Variants in NIPSNAP3B observed in about 807,000 individuals in gnomAD.
The protein encoded by NIPSNAP3B is protein NipSnap homolog 3B.
Under a neutral mutation model 31.5 loss-of-function variants are expected in NIPSNAP3B, and 30 were observed. The ratio of observed to expected loss-of-function variants is 0.95; its 90% CI spans 0.71 to 1.29. The LOEUF is 1.29. Among genes scored for constraint, NIPSNAP3B ranks in the 50% most tolerant of loss-of-function variants. The pLI, the probability that NIPSNAP3B is intolerant of heterozygous loss-of-function variation, is 0.00. For synonymous variants in NIPSNAP3B, 106 were observed against 107.9 expected (o/e 0.98, Z 0.11); for missense variants, 269 against 300.7 (o/e 0.89, Z 0.78).
In NIPSNAP3B at chr9:104,776,815, A is replaced by T. The variant is rs949042041; in HGVS notation, c.*3742A>T. Among the ~76,000 whole-genome samples, 1 of 152,184 alleles carries T rather than the reference A, an allele frequency of 6.6e-6. No individual in the cohort carries two copies. Among genetic ancestry groups the T allele is most frequent in the African/African-American group, 2.4e-5 (1 of 41,442 alleles). On this transcript the variant is annotated 3_prime_UTR_variant, in exon 6 of 6. Transcript: ENST00000374762. The stretch of plus-strand genomic sequence containing the variant: ...AAGGGTTTTTGTTTTCATTATTGTC[A>T]TATTACCTGTGCCTGGCATGTGATA...
In NIPSNAP3B at chr9:104,773,137, A is replaced by C. The variant is rs1828262289; in HGVS notation, c.*64A>C. 5 of 1,500,908 alleles carry C rather than the reference A, an allele frequency of 3.3e-6. No individual in the cohort carries two copies. The highest frequency in any genetic ancestry group is 3.7e-6 in the Non-Finnish European group (4 of 1,083,292). 93.0% of individuals were successfully genotyped at this position (1,500,908 alleles called of 1,614,324 possible). On this transcript the variant is annotated 3_prime_UTR_variant, in exon 6 of 6. Transcript: ENST00000374762. Reference sequence around the variant, plus strand: ...AAGATGTGTCTGCTAATGGTGCTTAAATTCTCCCAAGAGGTTCTCGCTTTT... The same window carrying C: ...AAGATGTGTCTGCTAATGGTGCTTACATTCTCCCAAGAGGTTCTCGCTTTT...
At chr9:104,779,648 A>G (rs564392109), downstream of NIPSNAP3B, among the ~76,000 whole-genome samples, 26 of 150,842 alleles carry the variant, frequency 1.7e-4, 1 homozygote, top group South Asian at 1.7e-3. Context: ...ACTTAATGTA[A>G]ACATTACCAT....
chr9:104,764,453 CGCGCAAGG>C (rs1828048314), intron 1 of NIPSNAP3B, among the ~76,000 whole-genome samples, 153 bp downstream of exon 1: 1 of 152,222 alleles, frequency 6.6e-6, no homozygotes, highest in Non-Finnish European at 1.5e-5. Flanking sequence ...AGCCGTCTGG[CGCGCAAGG>C]AGGAGGCTAC....
At chr9:104,784,572 A>G in the NIPSNAP3B span, 1 of 1,214,854 alleles carries the variant, frequency 8.2e-7, no homozygotes, top group South Asian at 1.3e-5. Flanking sequence ...AGAATTACAT[A>G]AATGGATTAA....
intron 4 of NIPSNAP3B, among the ~76,000 whole-genome samples, chr9:104,771,808 C>T (rs1488031033): frequency 1.3e-5 from 2 of 152,162 alleles, no homozygotes; most frequent in African/African-American, 2.4e-5. Context: ...CACCATACTG[C>T]TTTCCATAAT....
In NIPSNAP3B at chr9:104,772,638, C is replaced by T. The variant is rs538180474; in HGVS notation, c.581-184C>T. Among the ~76,000 whole-genome samples, 7 of 152,188 alleles carry T rather than the reference C, an allele frequency of 4.6e-5. No homozygotes were observed. The South Asian group carries it at 6.2e-4, about 14-fold the overall frequency. On this transcript the variant is annotated intron_variant, in intron 4 of 5. Transcript: ENST00000374762. Reference sequence around the variant, plus strand: ...CATTCTCTCTTCAGCCTTATGTTTCCAGTTTAACTTATAAATTTATCTTCC... The same window carrying T: ...CATTCTCTCTTCAGCCTTATGTTTCTAGTTTAACTTATAAATTTATCTTCC...
At position 104,777,573 on chromosome 9, in the gene NIPSNAP3B, T is replaced by C. The variant is rs2118814475; in HGVS notation, c.*4500T>C. 6.6e-6 allele frequency: 1 copy of C among 152,362 alleles called. No homozygotes were observed. Among genetic ancestry groups the C allele is most frequent in the East Asian group, 1.9e-4 (1 of 5,176 alleles). The allele number at this position is 152,362 out of a possible 1,614,324, so 9.4% of individuals were successfully genotyped here. ...GAATGGAAGTTTTTGAATCACAGGC[T>C]TCTGCCTTGAAAGGGCAAGTCCGTG... On this transcript the variant is annotated 3_prime_UTR_variant, in exon 6 of 6. Coordinates refer to ENST00000374762, the MANE Select transcript of NIPSNAP3B (RefSeq NM_018376.4).
chr9:104,780,432 C>A (rs1231759309), downstream of NIPSNAP3B, among the ~76,000 whole-genome samples: 2 of 152,188 alleles, frequency 1.3e-5, no homozygotes, highest in Non-Finnish European at 2.9e-5. Flanking sequence ...GAAACTGATT[C>A]TTAATGAGCT....
intron 4 of NIPSNAP3B, among the ~76,000 whole-genome samples, chr9:104,772,233 T>C (rs1447366785): frequency 1.3e-5 from 2 of 151,308 alleles, no homozygotes; most frequent in African/African-American, 2.4e-5. Flanking sequence ...GTGCAGAAGC[T>C]CTTAAGTGTA....
chr9:104,777,771 G>T (rs544808261), downstream of NIPSNAP3B, among the ~76,000 whole-genome samples: 26 of 152,172 alleles, frequency 1.7e-4, 1 homozygote, highest in South Asian at 1.7e-3. Context: ...ACCAGCTGTT[G>T]TCCTGTTTTC....
the NIPSNAP3B span, chr9:104,788,447 G>A: frequency 9.3e-6 from 15 of 1,614,044 alleles, no homozygotes; most frequent in African/African-American, 1.6e-4. Context: ...CTTTCTCTGG[G>A]ACTCCTCTCA....
chr9:104,764,379 C>T, intron 1 of NIPSNAP3B, 79 bp downstream of exon 1: 1 of 1,259,656 alleles, frequency 7.9e-7, no homozygotes, highest in Non-Finnish European at 1.1e-6. Flanking sequence ...GCGTGCGAGC[C>T]ACGCTCAGGC....
rs894905613 is a variant in NIPSNAP3B, at chr9:104,776,276, G to A, written c.*3203G>A. 3.3e-5 allele frequency among the ~76,000 whole-genome samples: 5 copies of A among 152,094 alleles called. No homozygotes were observed. Among genetic ancestry groups the A allele is most frequent in the Admixed American group, 1.3e-4 (2 of 15,280 alleles). ...TGCTCTTCCCCAGACATGCATCTGC[G>A]TGGATCATTTCCATGCCTCCTCAGG... On this transcript the variant is annotated 3_prime_UTR_variant, in exon 6 of 6. Transcript: ENST00000374762.
chr9:104,783,773 C>T, the NIPSNAP3B span: 2 of 160,132 alleles, frequency 1.2e-5, no homozygotes, highest in Admixed American at 1.2e-4. Context: ...CAAAAGTGAG[C>T]ATGACACACC....
intron 1 of NIPSNAP3B, among the ~76,000 whole-genome samples, chr9:104,765,697 A>G (rs1026365222): frequency 6.6e-6 from 1 of 152,190 alleles, no homozygotes; most frequent in Non-Finnish European, 1.5e-5. Flanking sequence ...TTCAGCCTTT[A>G]TGCAGTATAC....
At chr9:104,771,963 AT>A (rs988592465) in intron 4 of NIPSNAP3B, among the ~76,000 whole-genome samples, 10 of 152,140 alleles carry the variant, frequency 6.6e-5, no homozygotes, top group African/African-American at 2.4e-4. Flanking sequence ...TTATATTTGC[AT>A]TCTCTAATGA....
intron 3 of NIPSNAP3B, among the ~76,000 whole-genome samples, chr9:104,770,601 T>C (rs1828194200): frequency 6.6e-6 from 1 of 152,208 alleles, no homozygotes; most frequent in Non-Finnish European, 1.5e-5. Flanking sequence ...TATATATAGC[T>C]TCCAGTCCTT....
the NIPSNAP3B span, chr9:104,787,048 C>A: frequency 2.2e-6 from 3 of 1,354,316 alleles, no homozygotes; most frequent in Non-Finnish European, 3.1e-6. Context: ...TTTTTAAATG[C>A]AGAAGCATCT....
intron 3 of NIPSNAP3B, 86 bp from the exon 4 acceptor site, chr9:104,770,763 G>C: frequency 8.5e-7 from 1 of 1,179,692 alleles, no homozygotes; most frequent in Non-Finnish European, 1.2e-6. Context: ...AACTTCATTG[G>C]TTAGCCTTCT....
Sources: gnomAD v4.1 joint callset for allele counts (sites outside exome capture counted in the v4.1 genomes callset) on GRCh38, gnomAD v4.1.1 for gene constraint, MANE v1.5 for transcripts, NCBI Gene and HGNC (gene_info 2026-07-23, HGNC 2026-07-21) for gene names.